Variants in RANBP17 observed in about 807,000 individuals in gnomAD.
RANBP17 encodes ran-binding protein 17.
RANBP17 carries 158 observed loss-of-function variants against 141.2 expected under a neutral mutation model. The ratio of observed to expected loss-of-function variants is 1.12; its 90% CI spans 0.98 to 1.28. The LOEUF (loss-of-function observed/expected upper bound fraction) is 1.28, where lower values mean the gene tolerates loss of function less well. Among genes scored for constraint, RANBP17 ranks in the 50% most tolerant of loss-of-function variants. The pLI is 0.00. For synonymous variants in RANBP17, 430 were observed against 450.0 expected (o/e 0.96, Z 0.56); for missense variants, 1,438 against 1,290.7 (o/e 1.11, Z -1.75).
intron 14 of RANBP17, among the ~76,000 whole-genome samples, chr5:170,985,809 CA>C (rs1778103706): frequency 1.3e-5 from 2 of 152,188 alleles, no homozygotes; most frequent in South Asian, 4.2e-4. Context: ...AATGGTATAA[CA>C]AAGTGAAGTG....
chr5:171,183,877 A>G (rs149632260), intron 18 of RANBP17, among the ~76,000 whole-genome samples: 1 of 152,364 alleles, frequency 6.6e-6, no homozygotes, highest in East Asian at 1.9e-4. Context: ...TTGGCACGCA[A>G]TAAAAATGAA....
chr5:171,245,744 C>A (rs1176981824), intron 24 of RANBP17, among the ~76,000 whole-genome samples: 1 of 152,156 alleles, frequency 6.6e-6, no homozygotes, highest in East Asian at 1.9e-4. Context: ...AAAGTGTTAA[C>A]CTTATGACAT....
chr5:171,185,747 A>G (rs1340128489), intron 18 of RANBP17, among the ~76,000 whole-genome samples: 2 of 152,248 alleles, frequency 1.3e-5, no homozygotes, highest in Admixed American at 6.5e-5. Flanking sequence ...AGAGTCGTCC[A>G]TGAGAGTTGG....
intron 14 of RANBP17, chr5:171,029,006 C>CT: frequency 1.7e-6 from 2 of 1,159,650 alleles, no homozygotes; most frequent in Non-Finnish European, 2.3e-6. Context: ...GCAAGTCAGT[C>CT]TATATGTTAA....
chr5:171,077,351 G>A (rs1480049632), intron 14 of RANBP17, among the ~76,000 whole-genome samples: 1 of 151,382 alleles, frequency 6.6e-6, no homozygotes, highest in Non-Finnish European at 1.5e-5. Flanking sequence ...AAAAAAAAAA[G>A]AAGTGTACAA....
intron 27 of RANBP17, among the ~76,000 whole-genome samples, chr5:171,298,226 AT>A (rs1298949163): frequency 6.6e-6 from 1 of 152,154 alleles, no homozygotes; most frequent in East Asian, 1.9e-4. Flanking sequence ...GAGGTTAAGT[AT>A]TCATCCAATA....
intron 14 of RANBP17, among the ~76,000 whole-genome samples, chr5:171,038,924 T>C (rs997013019): frequency 2.6e-5 from 4 of 152,182 alleles, no homozygotes; most frequent in African/African-American, 9.7e-5. Context: ...TAGTTTTCTT[T>C]TTTCATTGTG....
intron 3 of RANBP17, among the ~76,000 whole-genome samples, chr5:170,884,599 A>G (rs1248935194): frequency 6.6e-6 from 1 of 152,060 alleles, no homozygotes; most frequent in Non-Finnish European, 1.5e-5. Context: ...GGGGTGGCAG[A>G]GGCAGAGGAG....
intron 14 of RANBP17, among the ~76,000 whole-genome samples, chr5:171,050,744 T>C (rs936305176): frequency 6.6e-6 from 1 of 152,128 alleles, no homozygotes; most frequent in African/African-American, 2.4e-5. Context: ...ATATCTACCC[T>C]TTCTGTTTTC....
chr5:170,906,307 T>C (rs1231384762), intron 5 of RANBP17, among the ~76,000 whole-genome samples: 1 of 152,060 alleles, frequency 6.6e-6, no homozygotes, highest in Non-Finnish European at 1.5e-5. Flanking sequence ...TCTTTTTCAC[T>C]TTCATGGCCT....
intron 24 of RANBP17, among the ~76,000 whole-genome samples, chr5:171,253,592 CTTTTTGTTTCCCCAAGGGG>C (rs531074107): frequency 2.0e-5 from 3 of 152,248 alleles, no homozygotes; most frequent in South Asian, 4.1e-4. Context: ...TCAAAAGTGG[CTTTTTGTTTCCCCAAGGGG>C]AAAGACTGGC....
At chr5:171,015,342 T>C (rs1312778706) in intron 14 of RANBP17, among the ~76,000 whole-genome samples, 2 of 152,158 alleles carry the variant, frequency 1.3e-5, no homozygotes, top group African/African-American at 4.8e-5. Context: ...TTTGTTTCTG[T>C]ATGTACTTTA....
intron 22 of RANBP17, among the ~76,000 whole-genome samples, chr5:171,233,186 GA>G (rs1190815027): frequency 3.9e-5 from 6 of 151,984 alleles, no homozygotes; most frequent in African/African-American, 1.5e-4. Context: ...AAAAAAATTA[GA>G]AAAGTAAAAG....
chr5:171,234,081 T>C (rs959899546), intron 22 of RANBP17, among the ~76,000 whole-genome samples: 1 of 151,794 alleles, frequency 6.6e-6, no homozygotes, highest in Admixed American at 6.6e-5. Flanking sequence ...CACACACACA[T>C]CTTAAGTACC....
intron 14 of RANBP17, among the ~76,000 whole-genome samples, chr5:171,115,856 A>G (rs1472236849): frequency 6.6e-6 from 1 of 152,236 alleles, no homozygotes; most frequent in Non-Finnish European, 1.5e-5. Flanking sequence ...CTAATGAAGT[A>G]TGAACTTGGT....
At chr5:171,191,784 A>G (rs1457181952) in intron 18 of RANBP17, among the ~76,000 whole-genome samples, 1 of 152,200 alleles carries the variant, frequency 6.6e-6, no homozygotes, top group Non-Finnish European at 1.5e-5. Context: ...ACATATTTTC[A>G]TCCACTTTTA....
chr5:170,933,446 C>T (rs894916587), intron 12 of RANBP17, among the ~76,000 whole-genome samples: 2 of 152,096 alleles, frequency 1.3e-5, no homozygotes, highest in Non-Finnish European at 1.5e-5. Context: ...TATTTCTAGC[C>T]TTCTGCTAGC....
intron 11 of RANBP17, among the ~76,000 whole-genome samples, 197 bp downstream of exon 11, chr5:170,919,810 T>C (rs974005775): frequency 6.6e-6 from 1 of 152,112 alleles, no homozygotes; most frequent in Admixed American, 6.6e-5. Context: ...TTGGCTCCTT[T>C]TTCAGTCAGC....
chr5:171,130,434 T>C lies in RANBP17; in HGVS notation c.1711-39696T>C, dbSNP rs576064136. Among the ~76,000 whole-genome samples the C allele has an allele frequency of 4.8e-4, 59 of 124,154 alleles. 1 individual carries two copies. The South Asian group carries it at 0.016, about 33-fold the overall frequency. The allele number at this position is 124,154 out of a possible 152,430, so 81.4% of individuals were successfully genotyped here. ...CAATCAGAATACTTTAAAAAGACTT[T>C]TTTTTTTTTTTTTTTTTTTGAGACG... is the stretch of plus-strand genomic sequence containing the variant. On this transcript the variant is annotated intron_variant, in intron 14 of 27. Coordinates refer to ENST00000523189, the MANE Select transcript of RANBP17 (RefSeq NM_022897.5).
Sources: gnomAD v4.1 joint callset for allele counts (sites outside exome capture counted in the v4.1 genomes callset) on GRCh38, gnomAD v4.1.1 for gene constraint, MANE v1.5 for transcripts, NCBI Gene and HGNC (gene_info 2026-07-23, HGNC 2026-07-21) for gene names.